Variants in KDM2A observed in about 807,000 individuals in gnomAD.
The protein encoded by KDM2A is lysine-specific demethylase 2A.
Under a neutral mutation model 137.3 loss-of-function variants are expected in KDM2A, and 3 were observed. That is an observed-to-expected ratio of 0.02 (90% CI 0.01 to 0.06). KDM2A has a LOEUF of 0.06. Ranked by LOEUF, KDM2A falls within the 10% of genes least tolerant of loss-of-function variation. KDM2A has a pLI of 1.00. For missense variants in KDM2A, 738 were observed against 1,510.6 expected (o/e 0.49, Z 8.48); for synonymous variants, 512 against 541.5 (o/e 0.95, Z 0.76).
chr11:67,159,710 T>G (rs186814142), intron 2 of KDM2A, among the ~76,000 whole-genome samples: 1 of 152,338 alleles, frequency 6.6e-6, no homozygotes, highest in East Asian at 1.9e-4. Flanking sequence ...AGGCATTTGA[T>G]AGGTACTGGG....
chr11:67,252,302 A>G, intron 17 of KDM2A: 1 of 230,424 alleles, frequency 4.3e-6, no homozygotes, highest in Non-Finnish European at 8.9e-6. Context: ...TTAGCTTTAG[A>G]CAGTAAGAAG....
Position 67,254,091 on chromosome 11 carries a change from A to G in KDM2A, c.3092-112A>G. On this transcript the variant is annotated intron_variant, in intron 19 of 20. Coordinates refer to ENST00000529006, the MANE Select transcript of KDM2A (RefSeq NM_012308.3). This position sits in a 1 kb window ranked among gnomAD's most constrained non-coding sequence, Gnocchi z 4.7. ...GGCATGGCTGGGTGTGGGCAGTTCT[A>G]CTTAACCCCTTCAAGGGGGCCTGGC... The G allele has an allele frequency of 2.3e-6, 2 of 886,880 alleles. No individual in the cohort carries two copies. Among genetic ancestry groups the G allele is most frequent in the Non-Finnish European group, 1.7e-6 (1 of 580,694 alleles). The allele number at this position is 886,880 out of a possible 1,614,324, so 54.9% of individuals were successfully genotyped here. A position where few individuals can be genotyped will look rare whatever the true frequency, so the allele number is the denominator to read the frequency against.
intron 2 of KDM2A, chr11:67,132,146 A>G (rs1371255769): frequency 6.6e-6 from 1 of 152,208 alleles, no homozygotes; most frequent in Non-Finnish European, 1.5e-5. Flanking sequence ...TACTACTACT[A>G]TAAGGCCTAT....
Position 67,168,606 on chromosome 11 carries a change from C to T in KDM2A, c.43-11473C>T, listed in dbSNP as rs887255854. Among the ~76,000 whole-genome samples the T allele has an allele frequency of 7.2e-3, 720 of 100,210 alleles. 78 individuals are homozygous for T. The highest frequency in any genetic ancestry group is 0.023 in the African/African-American group (276 of 11,944). The allele number at this position is 100,210 out of a possible 152,430, so 65.7% of individuals were successfully genotyped here. On this transcript the variant is annotated intron_variant, in intron 2 of 20. Transcript: ENST00000529006. ...ATACACACACACACACACACACACA[C>T]ACACACACACACACACACACACACA...
Position 67,119,702 on chromosome 11 carries a change from C to T in KDM2A, c.-431C>T, listed in dbSNP as rs1565365391. 1 of 149,730 alleles carries T rather than the reference C, an allele frequency of 6.7e-6. No homozygotes were observed. The highest frequency in any genetic ancestry group is 2.4e-5 in the African/African-American group (1 of 41,128). The allele number at this position is 149,730 out of a possible 1,614,324, so 9.3% of individuals were successfully genotyped here. A position where few individuals can be genotyped will look rare whatever the true frequency, so the allele number is the denominator to read the frequency against. On this transcript the variant is annotated 5_prime_UTR_variant, in exon 1 of 21. Transcript: ENST00000529006. ...CGCTGCTCCCGCAGGCGACCAGCCC[C>T]TGCTGGCCGAGGGCACGGCGAGGAG... is the stretch of plus-strand genomic sequence containing the variant.
chr11:67,219,025 T>C (rs1307451444), intron 9 of KDM2A, among the ~76,000 whole-genome samples: 3 of 152,238 alleles, frequency 2.0e-5, no homozygotes, highest in Non-Finnish European at 2.9e-5. Context: ...TGGTTTATAG[T>C]TGGTGCTCCA....
At chr11:67,248,658 A>G (rs1859320660) in intron 16 of KDM2A, 5 of 343,412 alleles carry the variant, frequency 1.5e-5, no homozygotes, top group Non-Finnish European at 2.2e-5. Context: ...CGGCTGGGCT[A>G]TTTGAGGAGA....
intron 2 of KDM2A, among the ~76,000 whole-genome samples, chr11:67,136,454 C>G (rs1253331737): frequency 6.6e-6 from 1 of 152,182 alleles, no homozygotes; most frequent in Non-Finnish European, 1.5e-5. Context: ...GAGATTCATT[C>G]ACTTAAACAA....
intron 5 of KDM2A, among the ~76,000 whole-genome samples, chr11:67,191,733 C>CAT (rs1201519075): frequency 6.6e-6 from 1 of 152,138 alleles, no homozygotes; most frequent in Non-Finnish European, 1.5e-5. Flanking sequence ...CAGTAAATAT[C>CAT]ATACTCAGTG....
chr11:67,192,527 C>G (rs1014898677), intron 5 of KDM2A, among the ~76,000 whole-genome samples: 1 of 146,032 alleles, frequency 6.8e-6, no homozygotes, highest in African/African-American at 2.6e-5. Flanking sequence ...TCACTGCAAC[C>G]TCCACCTCCC....
At chr11:67,145,255 C>T (rs1237256967) in intron 2 of KDM2A, among the ~76,000 whole-genome samples, 3 of 151,266 alleles carry the variant, frequency 2.0e-5, no homozygotes, top group South Asian at 2.1e-4. Flanking sequence ...GAGGCTGAGG[C>T]GGGCAGATCA....
chr11:67,124,404 C>G (rs529367739), intron 2 of KDM2A, among the ~76,000 whole-genome samples: 4 of 152,004 alleles, frequency 2.6e-5, no homozygotes, highest in Non-Finnish European at 5.9e-5. Context: ...CTCTGCCTCC[C>G]AGGTTCAAAT....
Position 67,121,158 on chromosome 11 carries a change from A to G in KDM2A, c.-83-76A>G, listed in dbSNP as rs1855590234. On this transcript the variant is annotated intron_variant, in intron 1 of 20. Coordinates refer to ENST00000529006, the MANE Select transcript of KDM2A (RefSeq NM_012308.3). Reference sequence around the variant, plus strand: ...TCAGAGAGCCTTTAACACTTACCTTAAATACTCCTTTCCGTGAACAGAAAG... The same window carrying G: ...TCAGAGAGCCTTTAACACTTACCTTGAATACTCCTTTCCGTGAACAGAAAG... 4.7e-6 allele frequency: 3 copies of G among 643,236 alleles called. No homozygotes were observed. The East Asian group carries it at 8.2e-5, about 18-fold the overall frequency. 39.8% of individuals were successfully genotyped at this position (643,236 alleles called of 1,614,324 possible). A position where few individuals can be genotyped will look rare whatever the true frequency, so the allele number is the denominator to read the frequency against.
intron 2 of KDM2A, among the ~76,000 whole-genome samples, chr11:67,129,942 A>G (rs997388575): frequency 2.0e-5 from 3 of 151,100 alleles, no homozygotes. Context: ...GTTTAGTCTG[A>G]ATTTTAAGCT....
intron 10 of KDM2A, among the ~76,000 whole-genome samples, chr11:67,220,781 A>G (rs1858322298): frequency 6.6e-6 from 1 of 152,234 alleles, no homozygotes; most frequent in Admixed American, 6.5e-5. Flanking sequence ...AAATACTTAA[A>G]CAAATGAGTG....
In KDM2A at chr11:67,255,953, G is replaced by C. The variant is rs1859592757; in HGVS notation, c.*898G>C. ...AGGATGCACGTCCTCAGAGGGAGCA[G>C]CCTATCTCCCCCAAGCTGGAGGCGG... On this transcript the variant is annotated 3_prime_UTR_variant, in exon 21 of 21. Coordinates refer to ENST00000529006, the MANE Select transcript of KDM2A (RefSeq NM_012308.3). The C allele has an allele frequency of 9.4e-6, 2 of 212,862 alleles. No individual in the cohort carries two copies. Among genetic ancestry groups the C allele is most frequent in the South Asian group, 1.2e-4 (2 of 17,036 alleles). The allele number at this position is 212,862 out of a possible 1,614,324, so 13.2% of individuals were successfully genotyped here.
chr11:67,158,428 A>AT (rs1470398446), intron 2 of KDM2A, among the ~76,000 whole-genome samples: 2 of 152,194 alleles, frequency 1.3e-5, no homozygotes, highest in Non-Finnish European at 2.9e-5. Flanking sequence ...TTTTCAATTC[A>AT]TTGAGTCAGC....
intron 18 of KDM2A, 140 bp downstream of exon 18, chr11:67,252,997 G>A: frequency 8.3e-6 from 8 of 962,418 alleles, no homozygotes; most frequent in Non-Finnish European, 1.2e-5. Flanking sequence ...CTTAGCAAGA[G>A]GTTTACCCAG....
intron 2 of KDM2A, among the ~76,000 whole-genome samples, chr11:67,134,737 T>G (rs758360236): frequency 6.6e-6 from 1 of 152,144 alleles, no homozygotes. Context: ...ACTTCTGACC[T>G]CAGGTGATCC....
Sources: gnomAD v4.1 joint callset for allele counts (sites outside exome capture counted in the v4.1 genomes callset) on GRCh38, gnomAD v4.1.1 for gene constraint, Gnocchi (gnomAD v3.1) non-coding constraint, MANE v1.5 for transcripts, NCBI Gene and HGNC (gene_info 2026-07-23, HGNC 2026-07-21) for gene names.